TECPR2: variants seen among roughly 807,000 people sequenced by gnomAD.
The protein encoded by TECPR2 is tectonin beta-propeller repeat containing 2, also known as tectonin beta-propeller repeat-containing protein 2.
A neutral mutation model predicts 138.1 loss-of-function variants in TECPR2; 65 were observed. The observed-to-expected ratio is 0.47, with a 90% CI of 0.39 to 0.58. The LOEUF (loss-of-function observed/expected upper bound fraction) is 0.58, where lower values mean the gene tolerates loss of function less well. Ranked by LOEUF, TECPR2 falls within the 20% of genes least tolerant of loss-of-function variation. The pLI, the probability that TECPR2 is intolerant of heterozygous loss-of-function variation, is 0.00. For missense variants in TECPR2, 1,553 were observed against 1,824.5 expected (o/e 0.85, Z 2.71); for synonymous variants, 746 against 749.8 (o/e 0.99, Z 0.08).
rs1174518841 is a variant in TECPR2 at position 102,362,977 on chromosome 14, A to C, written c.-212A>C. 4.6e-6 allele frequency: 6 copies of C among 1,307,374 alleles called. No homozygotes were observed. Among genetic ancestry groups the C allele is most frequent in the African/African-American group, 4.4e-5 (3 of 68,222 alleles). 81.0% of individuals were successfully genotyped at this position (1,307,374 alleles called of 1,614,324 possible). ...TGCCGCTCTAGCCCCCGGCGGAGCC[A>C]GCTGCTGCTCTTCGGTGCTGGCCCC... On this transcript the variant is annotated 5_prime_UTR_variant, in exon 1 of 20. Transcript: ENST00000359520.
chr14:102,422,107 T>C (rs533314818), intron 5 of TECPR2, among the ~76,000 whole-genome samples: 3 of 152,182 alleles, frequency 2.0e-5, no homozygotes, highest in Non-Finnish European at 4.4e-5. Flanking sequence ...ACCCAGCGAT[T>C]ACCCCACAGC....
chr14:102,367,994 CTTTTTTTTTTTTTTTTTT>C (rs56325877), intron 1 of TECPR2, among the ~76,000 whole-genome samples: 3 of 65,806 alleles, frequency 4.6e-5, no homozygotes, highest in African/African-American at 1.4e-4. Context: ...GCTTATTGGC[CTTTTTTTTTTTTTTTTTT>C]TTTTTTTTTT....
At position 102,432,124 on chromosome 14, in the gene TECPR2, G is replaced by T; in HGVS notation, c.1413G>T (p.Lys471Asn). The T allele has an allele frequency of 6.4e-7, 1 of 1,569,426 alleles. No homozygotes were observed. ...TGAAAAGGAAGAAGAAGAAGAAGAA[G>T]ACAGGTACCCTCTGTAGCTGGCACA... The part of the protein sequence containing the change: ...IKVKRKKKKK[K>N]TEGGSRSTCH... Residue 471 changes from lysine (K) to asparagine (N), a missense_variant, in exon 8 of 20, where the codon AAG becomes AAT. Physicochemically the swap from Lys to Asn is moderately conservative, Grantham distance 94. Transcript: ENST00000359520.
chr14:102,396,104 C>CTT (rs5811067), intron 2 of TECPR2, among the ~76,000 whole-genome samples: 1 of 136,364 alleles, frequency 7.3e-6, no homozygotes, highest in South Asian at 2.3e-4. Context: ...CTTTAGTACT[C>CTT]TTTTTTTTTT....
intron 5 of TECPR2, among the ~76,000 whole-genome samples, chr14:102,418,256 G>A (rs1458351856): frequency 2.0e-5 from 3 of 152,148 alleles, no homozygotes; most frequent in African/African-American, 4.8e-5. Context: ...GGAGCTTTGC[G>A]CCAAGCCTCT....
intron 2 of TECPR2, among the ~76,000 whole-genome samples, chr14:102,394,711 G>A (rs776818393): frequency 6.6e-6 from 1 of 152,190 alleles, no homozygotes; most frequent in Non-Finnish European, 1.5e-5. Flanking sequence ...TGAGGATCCA[G>A]TTATGCATTT....
chr14:102,410,947 T>C (rs1888831777), intron 4 of TECPR2, among the ~76,000 whole-genome samples: 1 of 152,310 alleles, frequency 6.6e-6, no homozygotes, highest in African/African-American at 2.4e-5. Flanking sequence ...TAATCAGATA[T>C]CCTGAGTCGT....
intron 17 of TECPR2, among the ~76,000 whole-genome samples, chr14:102,493,029 C>G (rs750372634): frequency 1.3e-5 from 2 of 152,266 alleles, no homozygotes; most frequent in Non-Finnish European, 2.9e-5. Flanking sequence ...CCGCCTGCCA[C>G]CGTGCTGCTT....
At chr14:102,424,939 T>G in intron 5 of TECPR2, 40 bp from the exon 6 acceptor site, 4 of 1,555,584 alleles carry the variant, frequency 2.6e-6, no homozygotes, top group Non-Finnish European at 3.5e-6. Context: ...AATCAGTCCA[T>G]GTCTGTTTTT....
intron 2 of TECPR2, among the ~76,000 whole-genome samples, chr14:102,383,413 TG>T (rs1239031792): frequency 6.6e-6 from 1 of 151,696 alleles, no homozygotes; most frequent in East Asian, 1.9e-4. Context: ...TTGTTTTTTT[TG>T]TTTTTTTTTT....
intron 1 of TECPR2, among the ~76,000 whole-genome samples, chr14:102,374,407 A>G (rs995299773): frequency 1.3e-5 from 2 of 151,950 alleles, no homozygotes; most frequent in African/African-American, 4.8e-5. Context: ...TCACTCTGTC[A>G]CTCGGGCTAG....
At chr14:102,452,344 C>T (rs376887401) in intron 15 of TECPR2, 50 bp from the exon 16 acceptor site, 39 of 1,552,294 alleles carry the variant, frequency 2.5e-5, no homozygotes, top group South Asian at 3.5e-5. Context: ...TTAGGGCAGG[C>T]GGCTTGGTGC....
intron 18 of TECPR2, 30 bp from the exon 19 acceptor site, chr14:102,497,540 G>T: frequency 6.6e-7 from 1 of 1,510,320 alleles, no homozygotes; most frequent in Non-Finnish European, 8.9e-7. Context: ...TCCATGGCAG[G>T]GGCTCAGGAG....
intron 6 of TECPR2, 109 bp from the exon 7 acceptor site, chr14:102,428,141 G>A (rs1260905390): frequency 1.5e-6 from 2 of 1,346,522 alleles, no homozygotes; most frequent in Non-Finnish European, 9.9e-7. Flanking sequence ...GTAAAGTGCA[G>A]TTATCATTTG....
chr14:102,366,669 A>C (rs1331210446), intron 1 of TECPR2, among the ~76,000 whole-genome samples: 1 of 152,154 alleles, frequency 6.6e-6, no homozygotes, highest in Non-Finnish European at 1.5e-5. Context: ...TTGGATTGAG[A>C]CTATTGTTTT....
chr14:102,477,080 CT>C (rs1890782103), intron 17 of TECPR2, among the ~76,000 whole-genome samples: 2 of 150,146 alleles, frequency 1.3e-5, no homozygotes, highest in South Asian at 4.2e-4. Context: ...CTAGAAAATG[CT>C]AACACAGGCC....
intron 17 of TECPR2, among the ~76,000 whole-genome samples, chr14:102,496,385 A>T (rs887769630): frequency 6.6e-6 from 1 of 152,212 alleles, no homozygotes; most frequent in African/African-American, 2.4e-5. Flanking sequence ...AGGACACTGG[A>T]GGGACTTCCT....
chr14:102,458,285 C>T (rs1396601691), intron 16 of TECPR2, among the ~76,000 whole-genome samples: 1 of 152,160 alleles, frequency 6.6e-6, no homozygotes, highest in Admixed American at 6.5e-5. Context: ...TGCTTCCCTC[C>T]CACCACTGTC....
Position 102,498,747 on chromosome 14 carries a change from C to A in TECPR2, c.*490C>A. 2.2e-6 allele frequency: 1 copy of A among 463,674 alleles called. No homozygotes were observed. Among genetic ancestry groups the A allele is most frequent in the South Asian group, 1.8e-5 (1 of 55,212 alleles). 28.7% of individuals were successfully genotyped at this position (463,674 alleles called of 1,614,324 possible). On this transcript the variant is annotated 3_prime_UTR_variant, in exon 20 of 20. Coordinates refer to ENST00000359520, the MANE Select transcript of TECPR2 (RefSeq NM_014844.5). ...GTCCCATCATAGGGGGGTGTCCCCCCAGAGACAAAGCTGCAGAGCACATTC... is the reference window on the plus strand; with the variant it reads ...GTCCCATCATAGGGGGGTGTCCCCCAAGAGACAAAGCTGCAGAGCACATTC...
Sources: gnomAD v4.1 joint callset for allele counts (sites outside exome capture counted in the v4.1 genomes callset) on GRCh38, gnomAD v4.1.1 for gene constraint, MANE v1.5 for transcripts, NCBI Gene and HGNC (gene_info 2026-07-23, HGNC 2026-07-21) for gene names.